The following FNDC3A variants were observed in gnomAD, a reference collection of about 807,000 sequenced individuals.
The protein encoded by FNDC3A is fibronectin type III domain containing 3A, also known as fibronectin type-III domain-containing protein 3A.
A neutral mutation model predicts 148.9 loss-of-function variants in FNDC3A; 32 were observed. That is an observed-to-expected ratio of 0.21 (90% CI 0.16 to 0.29). The LOEUF (loss-of-function observed/expected upper bound fraction) is 0.29. FNDC3A is among the 10% of genes least tolerant of loss of function. The pLI is 1.00. For synonymous variants in FNDC3A, 472 were observed against 473.6 expected, an observed-to-expected ratio of 1.00 and a Z score of 0.04; for missense variants, 1,191 against 1,452.8, an observed-to-expected ratio of 0.82 and a Z score of 2.93.
chr13:49,179,187 TTG>T (rs1885182296), intron 14 of FNDC3A, among the ~76,000 whole-genome samples: 1 of 152,152 alleles, frequency 6.6e-6, no homozygotes, highest in South Asian at 2.1e-4. Flanking sequence ...TGGCTCTTAT[TTG>T]TGTAATGTGA....
intron 12 of FNDC3A, 71 bp downstream of exon 12, chr13:49,174,630 T>C (rs1884932464): frequency 7.5e-7 from 1 of 1,333,984 alleles, no homozygotes; most frequent in Non-Finnish European, 1.0e-6. Context: ...TATAATTATT[T>C]ACTGTCCAAA....
intron 17 of FNDC3A, among the ~76,000 whole-genome samples, chr13:49,190,297 C>T (rs925528805): frequency 2.0e-5 from 3 of 152,084 alleles, no homozygotes; most frequent in African/African-American, 7.2e-5. Context: ...TGCCAAGTAA[C>T]TGGAAAAGCT....
intron 10 of FNDC3A, among the ~76,000 whole-genome samples, chr13:49,170,272 C>G (rs777392487): frequency 6.6e-6 from 1 of 152,036 alleles, no homozygotes; most frequent in East Asian, 1.9e-4. Context: ...ACATCTAAAT[C>G]GCCCATAGTA....
At chr13:49,115,194 G>GGAAT (rs1555292921) in intron 4 of FNDC3A, among the ~76,000 whole-genome samples, 2 of 10,976 alleles carry the variant, frequency 1.8e-4, no homozygotes, top group Non-Finnish European at 6.1e-4. Context: ...GGGGGGGGGG[G>GGAAT]AAATAAAAAA....
intron 2 of FNDC3A, among the ~76,000 whole-genome samples, chr13:49,022,802 T>C (rs1873426570): frequency 6.6e-6 from 1 of 151,980 alleles, no homozygotes; most frequent in Non-Finnish European, 1.5e-5. Flanking sequence ...AGTTTTTTTC[T>C]CCCACACGTC....
intron 8 of FNDC3A, among the ~76,000 whole-genome samples, chr13:49,155,718 T>C (rs1265624712): frequency 6.3e-5 from 4 of 63,588 alleles, no homozygotes; most frequent in Non-Finnish European, 1.3e-4. Flanking sequence ...TGGTATGTTG[T>C]GTCTTTGTTC....
chr13:48,983,623 A>T (rs1283131577), intron 1 of FNDC3A, among the ~76,000 whole-genome samples: 4 of 152,236 alleles, frequency 2.6e-5, no homozygotes, highest in African/African-American at 9.6e-5. Flanking sequence ...GTGCATGCAT[A>T]TACTTTTATT....
intron 2 of FNDC3A, chr13:49,044,968 T>C: frequency 3.2e-6 from 1 of 313,892 alleles, no homozygotes; most frequent in East Asian, 1.4e-4. Flanking sequence ...TGTATTCTTT[T>C]CACAAATGGG....
chr13:49,098,244 A>G (rs1438128988), intron 3 of FNDC3A, among the ~76,000 whole-genome samples: 2 of 152,124 alleles, frequency 1.3e-5, no homozygotes, highest in East Asian at 3.8e-4. Flanking sequence ...TGCAGTCTGC[A>G]TGGTAGATGA....
chr13:49,114,464 A>T (rs1880799883), intron 3 of FNDC3A, among the ~76,000 whole-genome samples, 191 bp from the exon 4 acceptor site: 1 of 146,996 alleles, frequency 6.8e-6, no homozygotes, highest in South Asian at 2.3e-4. Flanking sequence ...AAATGTAGGT[A>T]AAGGGTAATT....
chr13:49,178,485 A>T, intron 13 of FNDC3A, 83 bp from the exon 14 acceptor site: 1 of 811,148 alleles, frequency 1.2e-6, no homozygotes. Flanking sequence ...ATGAAGAGAA[A>T]CCCGGGTCTT....
intron 3 of FNDC3A, among the ~76,000 whole-genome samples, chr13:49,113,317 C>CG (rs1880703961): frequency 2.4e-4 from 1 of 4,212 alleles, no homozygotes; most frequent in Non-Finnish European, 4.5e-4. Context: ...TTTCCGTCAC[C>CG]CCGTTTAGTA....
At chr13:49,004,204 A>G (rs1030831454) in intron 1 of FNDC3A, among the ~76,000 whole-genome samples, 2 of 152,144 alleles carry the variant, frequency 1.3e-5, no homozygotes, top group Non-Finnish European at 2.9e-5. Flanking sequence ...TAACAAAACT[A>G]GAAGTAATTT....
In FNDC3A at chr13:49,019,119, G is replaced by A. The variant is rs191078143; in HGVS notation, c.99+12830G>A. Among the ~76,000 whole-genome samples, 5 of 152,374 alleles carry A rather than the reference G, an allele frequency of 3.3e-5. No individual in the cohort carries two copies. In the East Asian group the frequency reaches 9.6e-4, roughly 29 times the overall value. ...GGCAGGCAGGCCTCCTGGAGCTGTG[G>A]TGGGCTCCACCCAGTTCGAGCTTCT... On this transcript the variant is annotated intron_variant, in intron 2 of 25. Coordinates refer to ENST00000492622, the MANE Select transcript of FNDC3A (RefSeq NM_001079673.2).
intron 2 of FNDC3A, among the ~76,000 whole-genome samples, chr13:49,056,581 T>G (rs1876262155): frequency 6.6e-6 from 1 of 152,200 alleles, no homozygotes; most frequent in African/African-American, 2.4e-5. Context: ...CCTATTAAAA[T>G]GTATTTTGGA....
At chr13:49,045,002 C>G (rs558052450) in intron 2 of FNDC3A, 11 of 317,000 alleles carry the variant, frequency 3.5e-5, no homozygotes, top group South Asian at 1.4e-4. Flanking sequence ...CTCAGAAATT[C>G]ACTGGCTCTC....
At chr13:49,182,538 T>C (rs1885357880) in intron 14 of FNDC3A, among the ~76,000 whole-genome samples, 1 of 151,360 alleles carries the variant, frequency 6.6e-6, no homozygotes, top group Non-Finnish European at 1.5e-5. Flanking sequence ...CCTTCTGGGA[T>C]TTTTTTTTCT....
chr13:49,135,630 T>G (rs560897896), intron 5 of FNDC3A, among the ~76,000 whole-genome samples: 1 of 152,310 alleles, frequency 6.6e-6, no homozygotes, highest in Admixed American at 6.5e-5. Context: ...ATTAAAACTT[T>G]TTACTGAGGC....
At chr13:49,047,484 C>T (rs926175067) in intron 2 of FNDC3A, among the ~76,000 whole-genome samples, 1 of 152,088 alleles carries the variant, frequency 6.6e-6, no homozygotes, top group Non-Finnish European at 1.5e-5. Flanking sequence ...TTTGTTATGG[C>T]CATTCTTGCT....
Sources: allele counts gnomAD v4.1 joint callset (sites outside exome capture counted in the v4.1 genomes callset), GRCh38; gene constraint gnomAD v4.1.1; transcripts MANE v1.5; gene names NCBI Gene and HGNC (gene_info 2026-07-23, HGNC 2026-07-21).